Variants in SLC36A3 observed in about 807,000 individuals in gnomAD.
SLC36A3 encodes solute carrier family 36 member 3, also known as proton-coupled amino acid transporter 3.
Under a neutral mutation model 44.3 loss-of-function variants are expected in SLC36A3, and 35 were observed. That is an observed-to-expected ratio of 0.79 (90% CI 0.60 to 1.05). SLC36A3 has a LOEUF of 1.05. Ranked by LOEUF, SLC36A3 falls within the 50% of genes least tolerant of loss-of-function variation. SLC36A3 has a pLI of 0.00. For missense variants in SLC36A3, 540 were observed against 578.7 expected, an observed-to-expected ratio of 0.93 and a Z score of 0.69; for synonymous variants, 211 against 227.6, an observed-to-expected ratio of 0.93 and a Z score of 0.66.
chr5:151,285,328 C>T (rs1754494642), intron 6 of SLC36A3, among the ~76,000 whole-genome samples: 1 of 152,160 alleles, frequency 6.6e-6, no homozygotes, highest in South Asian at 2.1e-4. Flanking sequence ...CCTTTGGCTA[C>T]TGGGAGCCCG....
In SLC36A3 at chr5:151,277,332, C is replaced by A; in HGVS notation, c.*61G>T. 1 of 1,592,714 alleles carries A rather than the reference C, an allele frequency of 6.3e-7. No homozygotes were observed. The highest frequency in any genetic ancestry group is 8.6e-7 in the Non-Finnish European group (1 of 1,165,410). ...GGGATTTGATGAAGGTATATAACAT[C>A]CACATGGAAGTCAAACTGGGGATGG... On this transcript the variant is annotated 3_prime_UTR_variant, in exon 10 of 10. Transcript: ENST00000335230.
chr5:151,287,539 G>A (rs2127261261), intron 5 of SLC36A3, 75 bp from the exon 6 acceptor site: 1 of 1,388,258 alleles, frequency 7.2e-7, no homozygotes, highest in African/African-American at 1.4e-5. Context: ...TGAATTTCAG[G>A]TAATTAATGT....
chr5:151,295,857 A>G lies in SLC36A3; in HGVS notation c.308+323T>C, dbSNP rs969544475. Among the ~76,000 whole-genome samples, 3 of 152,314 alleles carry G rather than the reference A, an allele frequency of 2.0e-5. No homozygotes were observed. The South Asian group carries it at 6.2e-4, about 32-fold the overall frequency. ...GGAGAGGCTAAAAGGAAGAGAAGAA[A>G]GTCTCTGTCTCAAATAAATAGAGTA... is the stretch of plus-strand genomic sequence containing the variant. On this transcript the variant is annotated intron_variant, in intron 3 of 9. Transcript: ENST00000335230.
intron 6 of SLC36A3, among the ~76,000 whole-genome samples, chr5:151,286,057 A>G (rs1428393485): frequency 6.6e-6 from 1 of 152,242 alleles, no homozygotes; most frequent in Non-Finnish European, 1.5e-5. Flanking sequence ...ACTCAAGAAA[A>G]TGAAAGTATA....
chr5:151,299,225 G>T (rs1047852853), intron 1 of SLC36A3, among the ~76,000 whole-genome samples: 8 of 92,390 alleles, frequency 8.7e-5, no homozygotes, highest in African/African-American at 1.7e-4. Flanking sequence ...TTGCTTGTGC[G>T]CTCTCTCTCT....
intron 6 of SLC36A3, among the ~76,000 whole-genome samples, chr5:151,285,530 G>A (rs1243806009): frequency 6.6e-6 from 1 of 152,164 alleles, no homozygotes; most frequent in Non-Finnish European, 1.5e-5. Flanking sequence ...TGAATCTAGG[G>A]GGAATGATTA....
At chr5:151,300,418 TG>T (rs71589801) in intron 1 of SLC36A3, among the ~76,000 whole-genome samples, 1 of 152,146 alleles carries the variant, frequency 6.6e-6, no homozygotes, top group African/African-American at 2.4e-5. Context: ...CACCTAAGGA[TG>T]GGGGGGTGGG....
At chr5:151,286,318 G>A (rs1479686189) in intron 6 of SLC36A3, among the ~76,000 whole-genome samples, 2 of 151,948 alleles carry the variant, frequency 1.3e-5, no homozygotes, top group East Asian at 1.9e-4. Context: ...TTTTTGAGAC[G>A]GTCTTGCTCT....
chr5:151,300,114 G>T (rs757038031), intron 1 of SLC36A3, among the ~76,000 whole-genome samples: 4 of 152,208 alleles, frequency 2.6e-5, no homozygotes, highest in Non-Finnish European at 4.4e-5. Context: ...GAAGTCTCAG[G>T]CTAAGACAGA....
intron 2 of SLC36A3, chr5:151,296,765 A>T (rs567844020): frequency 1.9e-5 from 3 of 158,862 alleles, no homozygotes; most frequent in African/African-American, 7.2e-5. Flanking sequence ...AGCTTTCCCG[A>T]GCCTCTACCC....
In SLC36A3 at chr5:151,278,970, T is replaced by G. The variant is rs1278970779; in HGVS notation, c.1145-1309A>C. Among the ~76,000 whole-genome samples the G allele has an allele frequency of 3.9e-5, 6 of 152,244 alleles. 1 individual carries two copies. The highest frequency in any genetic ancestry group is 8.8e-5 in the Non-Finnish European group (6 of 68,038). On this transcript the variant is annotated intron_variant, in intron 9 of 9. Coordinates refer to ENST00000335230, the MANE Select transcript of SLC36A3 (RefSeq NM_181774.4). ...TCTGCTCAGTGCCTTTCCATGGCTCTGCATGGCCCAAACTCCTCAGCACAA... is the reference window on the plus strand; with the variant it reads ...TCTGCTCAGTGCCTTTCCATGGCTCGGCATGGCCCAAACTCCTCAGCACAA...
chr5:151,301,838 T>G (rs1284751487), intron 1 of SLC36A3, among the ~76,000 whole-genome samples: 1 of 152,114 alleles, frequency 6.6e-6, no homozygotes, highest in Non-Finnish European at 1.5e-5. Flanking sequence ...GTCTAGGCAG[T>G]GGGCAAGGTG....
intron 8 of SLC36A3, among the ~76,000 whole-genome samples, chr5:151,282,321 A>C (rs1754354860): frequency 6.6e-6 from 1 of 150,750 alleles, no homozygotes; most frequent in African/African-American, 2.4e-5. Flanking sequence ...GGCATGCACC[A>C]CCATGTCCAG....
chr5:151,288,573 A>T (rs1413430003), intron 4 of SLC36A3, 103 bp from the exon 5 acceptor site: 10 of 1,006,646 alleles, frequency 9.9e-6, no homozygotes, highest in Admixed American at 3.4e-5. Flanking sequence ...TATTATTTTT[A>T]AAAATTTCCC....
intron 2 of SLC36A3, chr5:151,296,580 T>C (rs1754968550): frequency 2.6e-6 from 1 of 384,038 alleles, no homozygotes; most frequent in African/African-American, 2.1e-5. Context: ...GTAAATTTAT[T>C]TTGTCTGACA....
At chr5:151,298,471 C>T (rs1335313599) in intron 2 of SLC36A3, 122 bp downstream of exon 2, 2 of 915,714 alleles carry the variant, frequency 2.2e-6, no homozygotes, top group Admixed American at 2.3e-5. Context: ...CCAACAGGCA[C>T]ATTTTCAATT....
At chr5:151,279,929 G>A (rs960201786) in intron 9 of SLC36A3, among the ~76,000 whole-genome samples, 1 of 152,174 alleles carries the variant, frequency 6.6e-6, no homozygotes, top group East Asian at 1.9e-4. Flanking sequence ...AAGGATAAAT[G>A]TGGAAATTTC....
Position 151,287,274 on chromosome 5 carries a change from A to G in SLC36A3, c.680T>C (p.Met227Thr), listed in dbSNP as rs779708024. 6.4e-5 allele frequency: 104 copies of G among 1,614,032 alleles called. No homozygotes were observed. In the Middle Eastern group the frequency reaches 3.0e-3, roughly 46 times the overall value. ...TLANITTLGS[M>T]ALIFEYIMEG... ...CATGATATACTCAAAGATCAGAGCC[A>G]TGCTCCCAAGGGTGGTGATGTTGGC... The change falls in exon 6 of 10, where the codon ATG becomes ACG. Residue 227 changes from methionine (M) to threonine (T), a missense_variant. Physicochemically the swap from Met to Thr is moderately conservative, Grantham distance 81. Coordinates refer to ENST00000335230, the MANE Select transcript of SLC36A3 (RefSeq NM_181774.4).
intron 1 of SLC36A3, among the ~76,000 whole-genome samples, chr5:151,301,524 G>C (rs778473663): frequency 6.6e-6 from 1 of 151,770 alleles, no homozygotes; most frequent in Non-Finnish European, 1.5e-5. Flanking sequence ...AACTCACTTC[G>C]AGCCCCTGTG....
Sources: gnomAD v4.1 joint callset for allele counts (sites outside exome capture counted in the v4.1 genomes callset) on GRCh38, gnomAD v4.1.1 for gene constraint, MANE v1.5 for transcripts, NCBI Gene and HGNC (gene_info 2026-07-23, HGNC 2026-07-21) for gene names.